The following SCHIP1 variants were observed in gnomAD, a reference collection of about 807,000 sequenced individuals.
SCHIP1 encodes the protein schwannomin-interacting protein 1.
A neutral mutation model predicts 29.7 loss-of-function variants in SCHIP1; 8 were observed. The ratio of observed to expected loss-of-function variants is 0.27; its 90% confidence interval spans 0.16 to 0.49. The LOEUF is 0.49. Ranked by LOEUF, SCHIP1 falls within the 20% of genes least tolerant of loss-of-function variation. SCHIP1 has a pLI of 0.99. For synonymous variants in SCHIP1, 76 were observed against 94.9 expected, an observed-to-expected ratio of 0.80 and a Z score of 1.16; for missense variants, 193 against 294.6, an observed-to-expected ratio of 0.66 and a Z score of 2.52.
chr3:159,427,051 A>T, the SCHIP1 span, among the ~76,000 whole-genome samples: 1 of 152,204 alleles, frequency 6.6e-6, no homozygotes, highest in Non-Finnish European at 1.5e-5. Context: ...AATAAGAGCT[A>T]TCTATGACAA....
At chr3:159,278,653 A>G in the SCHIP1 span, among the ~76,000 whole-genome samples, 1 of 152,136 alleles carries the variant, frequency 6.6e-6, no homozygotes, top group African/African-American at 2.4e-5. Flanking sequence ...ATAAATTGGG[A>G]GAAATCCTGA....
the SCHIP1 span, among the ~76,000 whole-genome samples, chr3:159,360,625 A>G: frequency 6.6e-6 from 1 of 152,258 alleles, no homozygotes; most frequent in Admixed American, 6.5e-5. Flanking sequence ...AAAGTAAGCT[A>G]AGCTCAGATT....
At chr3:159,286,991 G>A in the SCHIP1 span, among the ~76,000 whole-genome samples, 195 of 152,196 alleles carry the variant, frequency 1.3e-3, 1 homozygote, top group African/African-American at 4.5e-3. Context: ...TGCACACTTT[G>A]CAGATATTTT....
the SCHIP1 span, chr3:159,765,154 T>C: frequency 1.3e-6 from 2 of 1,546,938 alleles, no homozygotes; most frequent in Non-Finnish European, 1.7e-6. Context: ...TTGGCCGGGG[T>C]GCGTGCCCAC....
At chr3:159,667,609 G>A in the SCHIP1 span, among the ~76,000 whole-genome samples, 3 of 152,298 alleles carry the variant, frequency 2.0e-5, no homozygotes, top group Admixed American at 6.5e-5. Flanking sequence ...GTCCTAAATC[G>A]TTGACCTCTG....
the SCHIP1 span, among the ~76,000 whole-genome samples, chr3:159,341,984 T>C: frequency 6.6e-6 from 1 of 152,222 alleles, no homozygotes; most frequent in African/African-American, 2.4e-5. Context: ...CTTAAAAATA[T>C]GTAAGGGAAT....
chr3:159,575,225 A>G, the SCHIP1 span, among the ~76,000 whole-genome samples: 1 of 152,182 alleles, frequency 6.6e-6, no homozygotes, highest in East Asian at 1.9e-4. Flanking sequence ...GTTCCTATTC[A>G]GCCATCTTGC....
chr3:159,863,099 T>TG (rs1372932550), intron 1 of SCHIP1, among the ~76,000 whole-genome samples: 1 of 152,164 alleles, frequency 6.6e-6, no homozygotes, highest in East Asian at 1.9e-4. Flanking sequence ...CCCAGCACTT[T>TG]GGGAGGCTGA....
the SCHIP1 span, among the ~76,000 whole-genome samples, chr3:159,701,951 T>C: frequency 6.6e-6 from 1 of 152,140 alleles, no homozygotes; most frequent in African/African-American, 2.4e-5. Flanking sequence ...CAAAGCTTGG[T>C]CTCAATTTAC....
chr3:159,604,356 A>G, the SCHIP1 span, among the ~76,000 whole-genome samples: 1 of 152,118 alleles, frequency 6.6e-6, no homozygotes, highest in African/African-American at 2.4e-5. Flanking sequence ...GACCCAAGAG[A>G]ATCATTTAGA....
chr3:159,789,132 C>CAGAG, the SCHIP1 span, among the ~76,000 whole-genome samples: 36,929 of 150,548 alleles, frequency 0.25, 4,672 homozygotes, highest in East Asian at 0.45. Context: ...TCTATATATA[C>CAGAG]AGAGAGAGAG....
chr3:159,744,004 C>T, the SCHIP1 span, among the ~76,000 whole-genome samples: 2 of 152,070 alleles, frequency 1.3e-5, no homozygotes, highest in South Asian at 2.1e-4. Context: ...AGTATATATA[C>T]TGTACTGTAT....
At chr3:159,630,480 C>T in the SCHIP1 span, among the ~76,000 whole-genome samples, 2 of 152,216 alleles carry the variant, frequency 1.3e-5, no homozygotes, top group South Asian at 2.1e-4. Flanking sequence ...TATATATATA[C>T]ACCATGGAAT....
At chr3:159,610,922 G>T in the SCHIP1 span, among the ~76,000 whole-genome samples, 2 of 152,018 alleles carry the variant, frequency 1.3e-5, no homozygotes, top group South Asian at 2.1e-4. Context: ...ACCTCCATAC[G>T]TGATAATATC....
chr3:159,877,595 T>A (rs58957258), intron 2 of SCHIP1, among the ~76,000 whole-genome samples: 38,829 of 152,008 alleles, frequency 0.26, 5,191 homozygotes, highest in Non-Finnish European at 0.3. Flanking sequence ...GTCAAAAGAA[T>A]AAAAGAATTT....
chr3:159,395,942 C>A, the SCHIP1 span, among the ~76,000 whole-genome samples: 1 of 152,032 alleles, frequency 6.6e-6, no homozygotes, highest in African/African-American at 2.4e-5. Flanking sequence ...CCATTATTAA[C>A]GTGTGGGAGT....
At chr3:159,794,137 G>A in the SCHIP1 span, among the ~76,000 whole-genome samples, 7,388 of 152,090 alleles carry the variant, frequency 0.049, 290 homozygotes, top group Non-Finnish European at 0.06. Context: ...ATGGGAGGAT[G>A]GGGGGTCATT....
chr3:159,866,992 G>C (rs1714700333), intron 2 of SCHIP1, among the ~76,000 whole-genome samples: 1 of 152,082 alleles, frequency 6.6e-6, no homozygotes, highest in South Asian at 2.1e-4. Flanking sequence ...TCTAGGTGGG[G>C]CTCAAGATCC....
chr3:159,745,710 A>C, the SCHIP1 span, among the ~76,000 whole-genome samples: 2 of 152,160 alleles, frequency 1.3e-5, no homozygotes, highest in African/African-American at 4.8e-5. Context: ...TATTAGTTTA[A>C]TTCATGTTGT....
Sources: gnomAD v4.1 joint callset for allele counts (sites outside exome capture counted in the v4.1 genomes callset) on GRCh38, gnomAD v4.1.1 for gene constraint, MANE v1.5 for transcripts, NCBI Gene and HGNC (gene_info 2026-07-23, HGNC 2026-07-21) for gene names.